Variants in NBAS observed in about 807,000 individuals in gnomAD.
NBAS encodes NAG/BC035112 fusion.
A neutral mutation model predicts 302.5 loss-of-function variants in NBAS; 219 were observed. The observed-to-expected ratio is 0.72, with a 90% CI of 0.65 to 0.81. The LOEUF is 0.81. Among genes scored for constraint, NBAS ranks in the 30% least tolerant of loss-of-function variants. The pLI is 0.00. For synonymous variants in NBAS, 1,118 were observed against 1,021.6 expected, an observed-to-expected ratio of 1.09 and a Z score of -1.80; for missense variants, 2,932 against 2,841.6, an observed-to-expected ratio of 1.03 and a Z score of -0.72.
chr2:15,457,118 T>A (rs1572880276), intron 21 of NBAS, among the ~76,000 whole-genome samples: 1 of 152,032 alleles, frequency 6.6e-6, no homozygotes, highest in East Asian at 1.9e-4. Flanking sequence ...CAGAGGCCTG[T>A]GTGGCAGGAA....
At chr2:14,828,279 T>C in the NBAS span, among the ~76,000 whole-genome samples, 1 of 152,174 alleles carries the variant, frequency 6.6e-6, no homozygotes, top group African/African-American at 2.4e-5. Flanking sequence ...AACAAGTGGC[T>C]GATGGAGGCT....
intron 48 of NBAS, among the ~76,000 whole-genome samples, chr2:15,198,016 T>C (rs780555653): frequency 6.6e-6 from 1 of 152,236 alleles, no homozygotes; most frequent in Admixed American, 6.5e-5. Flanking sequence ...GACAAATCAG[T>C]TGTCTTCATA....
chr2:15,283,129 C>T (rs1669896028), intron 42 of NBAS, among the ~76,000 whole-genome samples: 1 of 152,068 alleles, frequency 6.6e-6, no homozygotes. Flanking sequence ...TAACACTATG[C>T]TGGGAATACA....
chr2:15,516,623 T>G (rs527850953), intron 9 of NBAS, among the ~76,000 whole-genome samples: 2 of 151,472 alleles, frequency 1.3e-5, no homozygotes, highest in East Asian at 3.9e-4. Flanking sequence ...CTCAGGATAC[T>G]GAGGCACCAG....
the NBAS span, among the ~76,000 whole-genome samples, chr2:14,915,152 T>C: frequency 1.3e-5 from 2 of 152,132 alleles, no homozygotes; most frequent in African/African-American, 4.8e-5. Flanking sequence ...CAGATACAGG[T>C]GATGGGTTTA....
chr2:15,348,778 A>G (rs1673214756), intron 35 of NBAS, among the ~76,000 whole-genome samples: 1 of 152,096 alleles, frequency 6.6e-6, no homozygotes, highest in Non-Finnish European at 1.5e-5. Flanking sequence ...TTTCCAACTG[A>G]GCTTTATGAA....
At chr2:15,382,380 G>T (rs1675081642) in intron 29 of NBAS, among the ~76,000 whole-genome samples, 1 of 152,148 alleles carries the variant, frequency 6.6e-6, no homozygotes, top group Non-Finnish European at 1.5e-5. Flanking sequence ...AATAATGCCT[G>T]TCTAGGAGCT....
the NBAS span, among the ~76,000 whole-genome samples, chr2:15,018,659 C>T: frequency 6.6e-6 from 1 of 151,864 alleles, no homozygotes; most frequent in African/African-American, 2.4e-5. Flanking sequence ...ATCCACCTGA[C>T]TTTTAATCAT....
At chr2:14,824,953 G>A in the NBAS span, among the ~76,000 whole-genome samples, 794 of 152,264 alleles carry the variant, frequency 5.2e-3, 5 homozygotes, top group African/African-American at 0.018. Context: ...AAGGCAAGGG[G>A]TACCTGGAGA....
the NBAS span, among the ~76,000 whole-genome samples, chr2:14,788,095 T>G: frequency 6.6e-6 from 1 of 152,368 alleles, no homozygotes; most frequent in East Asian, 1.9e-4. Flanking sequence ...CTGATACCCT[T>G]TCTTCCAGTT....
the NBAS span, among the ~76,000 whole-genome samples, chr2:14,986,051 G>A: frequency 6.6e-6 from 1 of 152,132 alleles, no homozygotes; most frequent in Non-Finnish European, 1.5e-5. Context: ...TAAGCGCAAT[G>A]CATTTGGTTA....
chr2:14,818,734 G>A, the NBAS span, among the ~76,000 whole-genome samples: 8,916 of 152,228 alleles, frequency 0.059, 305 homozygotes, highest in African/African-American at 0.074. Flanking sequence ...AGCAGCTAAC[G>A]GAGAAAAACG....
intron 22 of NBAS, 117 bp from the exon 23 acceptor site, chr2:15,424,585 T>G (rs1418921723): frequency 8.4e-7 from 1 of 1,190,194 alleles, no homozygotes; most frequent in South Asian, 1.2e-5. Context: ...GGAGCATACA[T>G]GTATGTGGTT....
At chr2:14,954,250 A>C in the NBAS span, among the ~76,000 whole-genome samples, 2 of 152,142 alleles carry the variant, frequency 1.3e-5, no homozygotes, top group South Asian at 4.1e-4. Flanking sequence ...AAATGAATTA[A>C]TTGAGGTCTG....
At chr2:14,804,592 C>A in the NBAS span, among the ~76,000 whole-genome samples, 562 of 152,302 alleles carry the variant, frequency 3.7e-3, 2 homozygotes, top group African/African-American at 0.013. Flanking sequence ...ATCCTAGAAG[C>A]AATCAATCAG....
chr2:15,467,962 C>T (rs1402110999), intron 17 of NBAS, among the ~76,000 whole-genome samples, 158 bp from the exon 18 acceptor site: 1 of 152,024 alleles, frequency 6.6e-6, no homozygotes, highest in African/African-American at 2.4e-5. Context: ...AGTGATCATT[C>T]ATTATATCCA....
chr2:14,793,796 A>G, the NBAS span, among the ~76,000 whole-genome samples: 1 of 152,206 alleles, frequency 6.6e-6, no homozygotes. Flanking sequence ...AAAGTCGAAG[A>G]GTCTTAAAAA....
the NBAS span, among the ~76,000 whole-genome samples, chr2:15,096,600 C>T: frequency 2.6e-5 from 4 of 152,320 alleles, no homozygotes; most frequent in South Asian, 2.1e-4. Flanking sequence ...TATGCAGTCT[C>T]GGACAAATGG....
intron 47 of NBAS, among the ~76,000 whole-genome samples, chr2:15,222,952 G>T (rs1419231230): frequency 6.6e-6 from 1 of 152,200 alleles, no homozygotes; most frequent in African/African-American, 2.4e-5. Context: ...AAAGGAACAT[G>T]CTCTCATTTT....
Sources: gnomAD v4.1 joint callset for allele counts (sites outside exome capture counted in the v4.1 genomes callset) on GRCh38, gnomAD v4.1.1 for gene constraint, MANE v1.5 for transcripts, NCBI Gene and HGNC (gene_info 2026-07-23, HGNC 2026-07-21) for gene names.